The following RPTOR variants were observed in gnomAD, a reference collection of about 807,000 sequenced individuals.
The protein encoded by RPTOR is regulatory associated protein of MTOR complex 1, also known as regulatory-associated protein of mTOR.
RPTOR carries 21 observed loss-of-function variants against 169.9 expected under a neutral mutation model. The ratio of observed to expected loss-of-function variants is 0.12; its 90% CI spans 0.09 to 0.18. RPTOR has a LOEUF of 0.18. RPTOR is among the 10% of genes least tolerant of loss of function. The pLI is 1.00. For synonymous variants in RPTOR, 732 were observed against 753.2 expected, an observed-to-expected ratio of 0.97 and a Z score of 0.46; for missense variants, 1,133 against 1,855.9, an observed-to-expected ratio of 0.61 and a Z score of 7.16.
chr17:80,784,158 T>C (rs2066968325), intron 6 of RPTOR, among the ~76,000 whole-genome samples: 2 of 151,672 alleles, frequency 1.3e-5, no homozygotes, highest in Non-Finnish European at 2.9e-5. Context: ...TCAACTGTGC[T>C]GTCCACGCTG....
intron 5 of RPTOR, among the ~76,000 whole-genome samples, chr17:80,752,017 A>C (rs986021066): frequency 7.9e-5 from 12 of 152,228 alleles, no homozygotes; most frequent in Non-Finnish European, 1.5e-4. Context: ...GGAGTTCTGC[A>C]AGCTGTGTGG....
In RPTOR at chr17:80,663,641, A is replaced by G. The variant is rs147055537; in HGVS notation, c.348+19831A>G. Reference sequence around the variant, plus strand: ...TATTATGGAGTGTGCACGTGGATCTATTTACCGTGTGGAAAATAATAGAAT... The same window carrying G: ...TATTATGGAGTGTGCACGTGGATCTGTTTACCGTGTGGAAAATAATAGAAT... On this transcript the variant is annotated intron_variant, in intron 3 of 33. Transcript: ENST00000306801. Among the ~76,000 whole-genome samples the G allele has an allele frequency of 9.1e-3, 1,380 of 152,234 alleles. 18 individuals are homozygous for G. The highest frequency in any genetic ancestry group is 0.028 in the African/African-American group (1,146 of 41,522).
At position 80,960,395 on chromosome 17, in the gene RPTOR, C is replaced by T. The variant is rs1568012374; in HGVS notation, c.3605+190C>T. Among the ~76,000 whole-genome samples, 1 of 152,246 alleles carries T rather than the reference C, an allele frequency of 6.6e-6. No individual in the cohort carries two copies. Among genetic ancestry groups the T allele is most frequent in the South Asian group, 2.1e-4 (1 of 4,838 alleles). On this transcript the variant is annotated intron_variant, in intron 30 of 33. Transcript: ENST00000306801. The surrounding 1 kb of genome is among the most constrained non-coding windows in gnomAD (Gnocchi z 4.8). The stretch of plus-strand genomic sequence containing the variant: ...CCGCCAGGCCCGTCCCACTGAGGCC[C>T]ATCCCACAAAGGTCTGCCCCACAGA...
chr17:80,575,010 T>G (rs1161483896), intron 1 of RPTOR, among the ~76,000 whole-genome samples: 3 of 150,312 alleles, frequency 2.0e-5, no homozygotes, highest in Non-Finnish European at 4.4e-5. Context: ...TCTACTTTCC[T>G]TGGGTTTGTT....
chr17:80,643,694 G>C (rs773156333), intron 2 of RPTOR, 34 bp from the exon 3 acceptor site: 1 of 1,547,000 alleles, frequency 6.5e-7, no homozygotes, highest in South Asian at 1.1e-5. Context: ...AAATGCAGAC[G>C]TAAAGAACTT....
At position 80,708,689 on chromosome 17, in the gene RPTOR, G is replaced by A. The variant is rs530777463; in HGVS notation, c.507+690G>A. Among the ~76,000 whole-genome samples the A allele has an allele frequency of 6.6e-6, 1 of 152,018 alleles. No homozygotes were observed. The highest frequency in any genetic ancestry group is 1.5e-5 in the Non-Finnish European group (1 of 68,000). ...CCCCACCCTCCAGGGTGTGGTGGGT[G>A]CTGACTGTCTCCCCATCCTCCAGGG... On this transcript the variant is annotated intron_variant, in intron 4 of 33. Transcript: ENST00000306801. The surrounding 1 kb of genome is among the most constrained non-coding windows in gnomAD (Gnocchi z 4.2).
At chr17:80,913,802 G>A (rs1012117) in intron 21 of RPTOR, among the ~76,000 whole-genome samples, 49,819 of 151,976 alleles carry the variant, frequency 0.33, 8,310 homozygotes, top group East Asian at 0.45. Flanking sequence ...GAAGTAGAAA[G>A]AAGAGACTGA....
At chr17:80,729,518 G>C (rs1598262276) in intron 4 of RPTOR, among the ~76,000 whole-genome samples, 1 of 152,364 alleles carries the variant, frequency 6.6e-6, no homozygotes, top group Non-Finnish European at 1.5e-5. Flanking sequence ...GCGCTGAACA[G>C]TATGGTGTGT....
chr17:80,863,152 C>T (rs1373899687), intron 13 of RPTOR, among the ~76,000 whole-genome samples: 2 of 152,156 alleles, frequency 1.3e-5, no homozygotes, highest in Admixed American at 6.5e-5. Flanking sequence ...GAAGTGTGTG[C>T]CGTTTACATG....
chr17:80,896,476 TCCCACGGCCGCACCGACACAC>T lies in RPTOR; in HGVS notation c.2401+2631_2401+2651del, dbSNP rs1382864549. 8.7e-5 allele frequency among the ~76,000 whole-genome samples: 9 copies of T among 103,928 alleles called. 1 individual carries two copies. Among genetic ancestry groups the T allele is most frequent in the Admixed American group, 6.7e-4 (7 of 10,476 alleles). The allele number at this position is 103,928 out of a possible 152,430, so 68.2% of individuals were successfully genotyped here. On this transcript the variant is annotated intron_variant, in intron 20 of 33. Coordinates refer to ENST00000306801, the MANE Select transcript of RPTOR (RefSeq NM_020761.3). Reference sequence around the variant, plus strand: ...CACCCCACACGGCCGCACCGACACATCCCACGGCCGCACCGACACACCCCACGGCCGCACCGACACCCCGCA... The same window carrying T: ...CACCCCACACGGCCGCACCGACACATCCCACGGCCGCACCGACACCCCGCA...
intron 1 of RPTOR, among the ~76,000 whole-genome samples, chr17:80,617,879 A>G (rs4890057): frequency 0.75 from 114,296 of 152,150 alleles, 43,925 homozygotes; most frequent in African/African-American, 0.9. Flanking sequence ...GCATGGCTTC[A>G]CACACCCGCA....
chr17:80,592,329 G>A (rs929625871), intron 1 of RPTOR, among the ~76,000 whole-genome samples: 7 of 152,218 alleles, frequency 4.6e-5, no homozygotes, highest in African/African-American at 1.7e-4. Context: ...TGCAGGGGGT[G>A]TTGTGATCTG....
chr17:80,567,850 A>G (rs549807233), intron 1 of RPTOR, among the ~76,000 whole-genome samples: 4 of 151,864 alleles, frequency 2.6e-5, no homozygotes, highest in African/African-American at 7.2e-5. Flanking sequence ...ATTATCTTAG[A>G]AATAAATTTT....
At position 80,923,088 on chromosome 17, in the gene RPTOR, T is replaced by G. The variant is rs1231844163; in HGVS notation, c.2624+261T>G. 2.6e-5 allele frequency among the ~76,000 whole-genome samples: 4 copies of G among 152,228 alleles called. No homozygotes were observed. The East Asian group carries it at 7.7e-4, about 29-fold the overall frequency. ...ATCTCAGCAAAAGTTGAATGAAGCC[T>G]GGTCTCTGTGGCCTTTCAGAGTTTG... On this transcript the variant is annotated intron_variant, in intron 22 of 33. Coordinates refer to ENST00000306801, the MANE Select transcript of RPTOR (RefSeq NM_020761.3).
intron 9 of RPTOR, among the ~76,000 whole-genome samples, chr17:80,826,119 C>T (rs1359573561): frequency 2.6e-5 from 4 of 152,138 alleles, no homozygotes; most frequent in Non-Finnish European, 4.4e-5. Flanking sequence ...GCCTGACAGC[C>T]GTGAGCCACC....
rs964850705 is a variant in RPTOR at position 80,709,000 on chromosome 17, G to A, written c.507+1001G>A. On this transcript the variant is annotated intron_variant, in intron 4 of 33. Transcript: ENST00000306801. This position sits in a 1 kb window ranked among gnomAD's most constrained non-coding sequence, Gnocchi z 4.2. ...TCTCGGTTCCCGCCTACCGTCCCGG[G>A]TTCGCAGCTAGCATTCGGCACAGGT... 77 of 985,528 alleles carry A rather than the reference G, an allele frequency of 7.8e-5. No homozygotes were observed. The highest frequency in any genetic ancestry group is 8.9e-5 in the Non-Finnish European group (74 of 830,002). The allele number at this position is 985,528 out of a possible 1,614,324, so 61.0% of individuals were successfully genotyped here.
chr17:80,676,458 C>T (rs1415993731), intron 3 of RPTOR, among the ~76,000 whole-genome samples: 3 of 152,158 alleles, frequency 2.0e-5, no homozygotes, highest in Admixed American at 1.3e-4. Context: ...TCAGGGCCCC[C>T]GGGACCTCTG....
At chr17:80,632,475 A>G (rs1254692946) in intron 2 of RPTOR, among the ~76,000 whole-genome samples, 3 of 152,186 alleles carry the variant, frequency 2.0e-5, no homozygotes, top group African/African-American at 7.2e-5. Flanking sequence ...CACAATGTTA[A>G]TGAGAATGGA....
At chr17:80,826,142 C>G (rs2067440424) in intron 9 of RPTOR, among the ~76,000 whole-genome samples, 1 of 152,116 alleles carries the variant, frequency 6.6e-6, no homozygotes, top group African/African-American at 2.4e-5. Flanking sequence ...CCTGTGGTGC[C>G]CCCAGCAGCT....
Sources: allele counts gnomAD v4.1 joint callset (sites outside exome capture counted in the v4.1 genomes callset), GRCh38; gene constraint gnomAD v4.1.1; non-coding constraint Gnocchi (gnomAD v3.1); transcripts MANE v1.5; gene names NCBI Gene and HGNC (gene_info 2026-07-23, HGNC 2026-07-21).